CAPS2: variants seen among roughly 807,000 people sequenced by gnomAD.
CAPS2 encodes calcyphosine 2.
CAPS2 carries 98 observed loss-of-function variants against 86.5 expected under a neutral mutation model. That is an observed-to-expected ratio of 1.13 (90% CI 0.96 to 1.34). The LOEUF is 1.34. Ranked by LOEUF, CAPS2 falls within the 40% of genes most tolerant of loss-of-function variation. The pLI is 0.00. For synonymous variants in CAPS2, 210 were observed against 225.1 expected (o/e 0.93, Z 0.60); for missense variants, 729 against 686.8 (o/e 1.06, Z -0.69).
chr12:75,366,748 A>G (rs1180788869), intron 1 of CAPS2: 4 of 625,762 alleles, frequency 6.4e-6, no homozygotes, highest in Admixed American at 2.5e-5. Context: ...TGTTTTACCA[A>G]TGAGTCATTT....
rs199656886 is a variant in CAPS2 at position 75,306,007 on chromosome 12, G to GATC, written c.660-1134_660-1132dup. ...GGGTCCTGACAGGCCTCCTGCTCAT[G>GATC]ATCCTGAGCCTCATTCTACTTGAAG... On this transcript the variant is annotated intron_variant, in intron 7 of 16. Transcript: ENST00000393284. 1,239 of 1,461,562 alleles carry GATC rather than the reference G, an allele frequency of 8.5e-4. 9 individuals are homozygous for GATC. In the African/African-American group the frequency reaches 0.015, roughly 18 times the overall value. 90.5% of individuals were successfully genotyped at this position (1,461,562 alleles called of 1,614,324 possible).
At chr12:75,279,905 G>C (rs576380733) in intron 16 of CAPS2, among the ~76,000 whole-genome samples, 2 of 152,056 alleles carry the variant, frequency 1.3e-5, no homozygotes, top group East Asian at 3.9e-4. Context: ...CTTTTGAACA[G>C]AGGAGTTTTA....
chr12:75,372,158 G>A (rs2044401039), intron 1 of CAPS2, among the ~76,000 whole-genome samples: 1 of 152,136 alleles, frequency 6.6e-6, no homozygotes, highest in Admixed American at 6.5e-5. Flanking sequence ...GGGATTACAG[G>A]TGCCCATCAC....
intron 1 of CAPS2, among the ~76,000 whole-genome samples, chr12:75,337,020 A>G (rs543818384): frequency 1.3e-5 from 2 of 151,980 alleles, no homozygotes; most frequent in African/African-American, 4.8e-5. Context: ...AAGTTAAAGA[A>G]TAAATAATAA....
intron 1 of CAPS2, among the ~76,000 whole-genome samples, chr12:75,340,292 G>A (rs1446656986): frequency 2.0e-5 from 3 of 151,662 alleles, no homozygotes; most frequent in Non-Finnish European, 2.9e-5. Context: ...TTCAAAAAAC[G>A]ACGTATTTTC....
chr12:75,369,854 C>A, intron 1 of CAPS2: 1 of 1,332,114 alleles, frequency 7.5e-7, no homozygotes, highest in Non-Finnish European at 9.6e-7. Flanking sequence ...AAAAGTCAAA[C>A]TAATTTTTGT....
intron 1 of CAPS2, among the ~76,000 whole-genome samples, chr12:75,340,366 G>C (rs2042021858): frequency 6.6e-6 from 1 of 151,660 alleles, no homozygotes; most frequent in East Asian, 1.9e-4. Flanking sequence ...GTCTATTCAA[G>C]AAATGGTGTT....
exon 5 of CAPS2, chr12:75,321,421 T>G: frequency 6.5e-7 from 1 of 1,545,276 alleles, no homozygotes; most frequent in South Asian, 1.2e-5. Context: ...TCTTGTTTCT[T>G]GGAGACTGTT....
At chr12:75,279,599 A>G (rs11180441) in intron 16 of CAPS2, among the ~76,000 whole-genome samples, 43,501 of 151,774 alleles carry the variant, frequency 0.29, 7,602 homozygotes, top group East Asian at 0.44. Context: ...TAATGGACTT[A>G]GACAATAATG....
intron 14 of CAPS2, among the ~76,000 whole-genome samples, chr12:75,288,640 A>C (rs2035315645): frequency 6.6e-6 from 1 of 152,232 alleles, no homozygotes; most frequent in Admixed American, 6.5e-5. Context: ...AATAAAATCC[A>C]ACCCTCTTAG....
At chr12:75,327,065 T>G (rs2040851069), upstream of CAPS2, among the ~76,000 whole-genome samples, 2 of 152,192 alleles carry the variant, frequency 1.3e-5, no homozygotes, top group Admixed American at 6.5e-5. Context: ...GACAGCTCGA[T>G]TTTAGCCCCT....
chr12:75,291,814 A>G, exon 13 of CAPS2: 2 of 1,540,526 alleles, frequency 1.3e-6, no homozygotes, highest in Admixed American at 1.7e-5. Flanking sequence ...GTTCCATAGA[A>G]GCAGTTCTGC....
At chr12:75,283,219 A>T (rs890581853) in intron 15 of CAPS2, among the ~76,000 whole-genome samples, 1 of 152,234 alleles carries the variant, frequency 6.6e-6, no homozygotes, top group East Asian at 1.9e-4. Context: ...ATATCATGAA[A>T]TATTTCACTG....
intron 14 of CAPS2, among the ~76,000 whole-genome samples, chr12:75,287,069 CACACACACACAA>C (rs2034999517): frequency 1.3e-5 from 2 of 150,564 alleles, no homozygotes; most frequent in Admixed American, 1.3e-4. Flanking sequence ...CACACGCAAG[CACACACACACAA>C]ACACACACAT....
chr12:75,348,394 G>A (rs1379119110), intron 1 of CAPS2, among the ~76,000 whole-genome samples: 2 of 152,210 alleles, frequency 1.3e-5, no homozygotes, highest in African/African-American at 4.8e-5. Flanking sequence ...AGGCAGAAAT[G>A]TGTATATATC....
At chr12:75,366,829 T>C in intron 1 of CAPS2, 1 of 699,304 alleles carries the variant, frequency 1.4e-6, no homozygotes. Flanking sequence ...AAATGCCAAG[T>C]GAACAGCTCT....
chr12:75,383,750 C>T (rs906302637), intron 1 of CAPS2, among the ~76,000 whole-genome samples: 1 of 152,036 alleles, frequency 6.6e-6, no homozygotes, highest in Non-Finnish European at 1.5e-5. Flanking sequence ...TCATATGAAA[C>T]ATTTACCAAA....
chr12:75,305,034 CA>C, intron 7 of CAPS2, 158 bp from the exon 8 acceptor site: 1 of 519,542 alleles, frequency 1.9e-6, no homozygotes, highest in Admixed American at 4.0e-5. Flanking sequence ...AAATATTTTC[CA>C]TAAGAAAGTA....
intron 7 of CAPS2, chr12:75,306,027 T>C (rs1294595072): frequency 2.8e-5 from 41 of 1,469,800 alleles, no homozygotes; most frequent in Non-Finnish European, 3.8e-5. Context: ...CTCATTCTAC[T>C]TGAAGGGCCG....
Sources: allele counts gnomAD v4.1 joint callset (sites outside exome capture counted in the v4.1 genomes callset), GRCh38; gene constraint gnomAD v4.1.1; transcripts MANE v1.5; gene names NCBI Gene and HGNC (gene_info 2026-07-23, HGNC 2026-07-21).